KIF21A: variants seen among roughly 807,000 people sequenced by gnomAD.
KIF21A encodes the protein kinesin-like protein KIF21A.
KIF21A carries 114 observed loss-of-function variants against 202.9 expected under a neutral mutation model. The observed-to-expected ratio is 0.56, with a 90% CI of 0.48 to 0.66. The LOEUF (loss-of-function observed/expected upper bound fraction) is 0.66. Among genes scored for constraint, KIF21A ranks in the 30% least tolerant of loss-of-function variants. KIF21A has a pLI of 0.00. For synonymous variants in KIF21A, 667 were observed against 670.8 expected (o/e 0.99, Z 0.09); for missense variants, 1,677 against 1,994.9 (o/e 0.84, Z 3.04).
At chr12:39,376,102 G>A (rs891033642) in intron 1 of KIF21A, among the ~76,000 whole-genome samples, 11 of 151,986 alleles carry the variant, frequency 7.2e-5, no homozygotes, top group African/African-American at 1.9e-4. Flanking sequence ...TTAAATTACC[G>A]TTTGGATACC....
At chr12:39,312,223 A>G (rs1944102312) in intron 31 of KIF21A, 1 of 152,112 alleles carries the variant, frequency 6.6e-6, no homozygotes, top group Non-Finnish European at 1.5e-5. Flanking sequence ...ATTTGCAACA[A>G]CATAGATAGA....
At chr12:39,330,335 C>T (rs1215187819) in intron 23 of KIF21A, 73 bp from the exon 24 acceptor site, 9 of 1,323,650 alleles carry the variant, frequency 6.8e-6, no homozygotes, top group Non-Finnish European at 9.8e-6. Context: ...TAAAAACTCC[C>T]ACATAAAACA....
intron 27 of KIF21A, chr12:39,321,465 TACC>T (rs1451100006): frequency 6.6e-6 from 1 of 152,188 alleles, no homozygotes; most frequent in Admixed American, 6.5e-5. Flanking sequence ...TCTACATCAC[TACC>T]TTCACCAAAA....
intron 1 of KIF21A, among the ~76,000 whole-genome samples, chr12:39,436,425 TATATATATA>T (rs1566395553): frequency 7.4e-4 from 81 of 109,862 alleles, no homozygotes; most frequent in African/African-American, 3.1e-3. Context: ...TACTATATTA[TATATATATA>T]TATATATATA....
intron 31 of KIF21A, among the ~76,000 whole-genome samples, chr12:39,314,077 G>A (rs78171864): frequency 0.017 from 2,623 of 151,716 alleles, 71 homozygotes; most frequent in African/African-American, 0.059. Flanking sequence ...GGAAAAAAAG[G>A]GCTGATGAAG....
At chr12:39,345,981 T>A (rs1356577279) in intron 12 of KIF21A, among the ~76,000 whole-genome samples, 1 of 152,014 alleles carries the variant, frequency 6.6e-6, no homozygotes, top group Non-Finnish European at 1.5e-5. Flanking sequence ...TTGTTTGTTG[T>A]CATTTTAATG....
chr12:39,311,265 A>G (rs1385721122), intron 32 of KIF21A, 152 bp downstream of exon 32: 4 of 689,816 alleles, frequency 5.8e-6, no homozygotes, highest in Non-Finnish European at 9.6e-6. Flanking sequence ...CAACTATGCA[A>G]TAATTTTATA....
intron 1 of KIF21A, among the ~76,000 whole-genome samples, chr12:39,436,864 G>A (rs1164644761): frequency 6.6e-6 from 1 of 152,050 alleles, no homozygotes; most frequent in Non-Finnish European, 1.5e-5. Flanking sequence ...CCAAAGAGAA[G>A]CAGTGAAAAT....
At position 39,341,472 on chromosome 12, in the gene KIF21A, T is replaced by C. The variant is rs547480345; in HGVS notation, c.1921+33A>G. 27 of 1,604,224 alleles carry C rather than the reference T, an allele frequency of 1.7e-5. 2 individuals are homozygous for C. In the South Asian group the frequency reaches 2.8e-4, roughly 16 times the overall value. ...TCATGGTTTAAACAACTTCCCAAAA[T>C]GAATTTTTGCCCTTATACCAAAGGG... On this transcript the variant is annotated intron_variant, in intron 14 of 37. Transcript: ENST00000361418.
At chr12:39,324,121 G>A (rs911165657) in intron 26 of KIF21A, among the ~76,000 whole-genome samples, 1 of 151,202 alleles carries the variant, frequency 6.6e-6, no homozygotes, top group Non-Finnish European at 1.5e-5. Flanking sequence ...AAAAAAAAAA[G>A]AAATGATACG....
intron 16 of KIF21A, 21 bp downstream of exon 16, chr12:39,340,144 A>G: frequency 6.3e-7 from 1 of 1,591,262 alleles, no homozygotes; most frequent in South Asian, 1.1e-5. Context: ...TCAAACGTTA[A>G]TGGAAAAAAA....
intron 15 of KIF21A, 102 bp from the exon 16 acceptor site, chr12:39,340,466 C>T: frequency 1.2e-6 from 1 of 826,434 alleles, no homozygotes; most frequent in East Asian, 2.7e-5. Context: ...ACTTCCCAAA[C>T]ACCCACATCT....
chr12:39,302,832 T>C (rs900313589), intron 36 of KIF21A, 133 bp downstream of exon 36: 2 of 803,804 alleles, frequency 2.5e-6, no homozygotes, highest in African/African-American at 3.4e-5. Flanking sequence ...GATGAAACAT[T>C]CTTTAAGAAA....
chr12:39,398,178 C>T (rs1951898356), intron 1 of KIF21A, among the ~76,000 whole-genome samples: 1 of 152,218 alleles, frequency 6.6e-6, no homozygotes, highest in Admixed American at 6.5e-5. Flanking sequence ...GAAATTTACA[C>T]TCTACATTTT....
In KIF21A at chr12:39,442,614, G is replaced by A. The variant is rs916057705; in HGVS notation, c.44+313C>T. Among the ~76,000 whole-genome samples, 4 of 152,196 alleles carry A rather than the reference G, an allele frequency of 2.6e-5. No individual in the cohort carries two copies. Among genetic ancestry groups the A allele is most frequent in the Non-Finnish European group, 4.4e-5 (3 of 68,020 alleles). On this transcript the variant is annotated intron_variant, in intron 1 of 37. Coordinates refer to ENST00000361418, the MANE Select transcript of KIF21A (RefSeq NM_001173464.2). This position sits in a 1 kb window ranked among gnomAD's most constrained non-coding sequence, Gnocchi z 5.0. ...CCAGACCTGAGGTGACTGATCCCGC[G>A]AGGGGACGGAGGGGAGTGACGAGGG...
In KIF21A at chr12:39,340,359, C is replaced by T. The variant is rs1381584879; in HGVS notation, c.2116G>A (p.Val706Ile). The change falls in exon 16 of 38, where the codon GTA (valine) becomes ATA (isoleucine). Residue 706 changes from valine to isoleucine, a missense_variant. By Grantham distance (29) the Val-to-Ile change is conservative. Coordinates refer to ENST00000361418, the MANE Select transcript of KIF21A (RefSeq NM_001173464.2). ...RDQVLQNLGS[V>I]ESYSEEKAKK... The stretch of plus-strand genomic sequence containing the variant: ...GCTTTTTCTTCTGAGTAAGATTCTA[C>T]CGAGCCTAAATGACCAGAGGACATT... The T allele has an allele frequency of 2.5e-6, 4 of 1,604,140 alleles. No individual in the cohort carries two copies. Among genetic ancestry groups the T allele is most frequent in the Non-Finnish European group, 3.4e-6 (4 of 1,173,986 alleles).
intron 33 of KIF21A, among the ~76,000 whole-genome samples, chr12:39,309,140 A>C (rs1447719091): frequency 2.0e-5 from 3 of 152,200 alleles, no homozygotes; most frequent in Non-Finnish European, 4.4e-5. Context: ...TCAGTCCTTA[A>C]AAAACACTCT....
chr12:39,371,773 T>C (rs191459956), intron 1 of KIF21A, among the ~76,000 whole-genome samples: 2 of 151,706 alleles, frequency 1.3e-5, no homozygotes, highest in South Asian at 2.1e-4. Flanking sequence ...CTGCTAAAAA[T>C]AGAAAAATTA....
chr12:39,356,701 T>C (rs1565935346), intron 10 of KIF21A, 131 bp downstream of exon 10: 1 of 563,274 alleles, frequency 1.8e-6, no homozygotes. Context: ...CTCCTAAAGT[T>C]AACCTAACCA....
Sources: gnomAD v4.1 joint callset for allele counts (sites outside exome capture counted in the v4.1 genomes callset) on GRCh38, gnomAD v4.1.1 for gene constraint, Gnocchi (gnomAD v3.1) non-coding constraint, MANE v1.5 for transcripts, NCBI Gene and HGNC (gene_info 2026-07-23, HGNC 2026-07-21) for gene names.